Variants in SLCO3A1 observed in about 807,000 individuals in gnomAD.
The protein encoded by SLCO3A1 is PGE1 transporter.
In SLCO3A1, 27 loss-of-function variants were observed where a neutral mutation model predicts 63.1. The observed-to-expected ratio is 0.43, with a 90% CI of 0.32 to 0.59. SLCO3A1 has a LOEUF of 0.59. Among genes scored for constraint, SLCO3A1 ranks in the 20% least tolerant of loss-of-function variants. SLCO3A1 has a pLI of 0.09. For missense variants in SLCO3A1, 773 were observed against 945.8 expected, an observed-to-expected ratio of 0.82 and a Z score of 2.40; for synonymous variants, 473 against 409.9, an observed-to-expected ratio of 1.15 and a Z score of -1.86.
At chr15:92,154,163 G>GA (rs2048342973) in intron 9 of SLCO3A1, among the ~76,000 whole-genome samples, 1 of 152,234 alleles carries the variant, frequency 6.6e-6, no homozygotes, top group South Asian at 2.1e-4. Flanking sequence ...AGGATGGGGA[G>GA]AGGGGTAGGG....
rs34029747 is a variant in SLCO3A1 at position 92,163,556 on chromosome 15, T to TA, written c.*433dup. On this transcript the variant is annotated 3_prime_UTR_variant, in exon 10 of 10. Transcript: ENST00000318445. Reference sequence around the variant, plus strand: ...AGAAGTTTCCTAAAATAAAAAAAATTAAAAAAAAAAAACCCACAAGTTGAA... The same window carrying TA: ...AGAAGTTTCCTAAAATAAAAAAAATTAAAAAAAAAAAAACCCACAAGTTGAA... The TA allele has an allele frequency of 1.4e-6, 1 of 715,998 alleles. No homozygotes were observed. The highest frequency in any genetic ancestry group is 1.6e-6 in the Non-Finnish European group (1 of 617,852). 44.4% of individuals were successfully genotyped at this position (715,998 alleles called of 1,614,324 possible).
chr15:92,069,803 C>T (rs1227602429), intron 2 of SLCO3A1, among the ~76,000 whole-genome samples: 1 of 152,164 alleles, frequency 6.6e-6, no homozygotes, highest in African/African-American at 2.4e-5. Flanking sequence ...TGGGGAAAGC[C>T]CTCCCCGGGA....
At chr15:92,003,328 C>A (rs1345784406) in intron 2 of SLCO3A1, among the ~76,000 whole-genome samples, 2 of 152,214 alleles carry the variant, frequency 1.3e-5, no homozygotes, top group Non-Finnish European at 2.9e-5. Context: ...TACACATGTC[C>A]TGTCTCACCC....
chr15:92,165,242 T>C lies in SLCO3A1; in HGVS notation c.*2107T>C, dbSNP rs1801070490. 1.0e-6 allele frequency: 1 copy of C among 985,320 alleles called. No homozygotes were observed. The highest frequency in any genetic ancestry group is 1.7e-5 in the African/African-American group (1 of 57,224). 61.0% of individuals were successfully genotyped at this position (985,320 alleles called of 1,614,324 possible). A position where few individuals can be genotyped will look rare whatever the true frequency, so the allele number is the denominator to read the frequency against. ...GACAGGCCTTTCAACTGCTTAGTGT[T>C]AGTATGTCCTTGCTTATGAAAATGG... is the stretch of plus-strand genomic sequence containing the variant. On this transcript the variant is annotated 3_prime_UTR_variant, in exon 10 of 10. Transcript: ENST00000318445.
intron 2 of SLCO3A1, among the ~76,000 whole-genome samples, chr15:92,090,734 GAGA>G (rs2047462821): frequency 6.6e-6 from 1 of 152,232 alleles, no homozygotes; most frequent in African/African-American, 2.4e-5. Flanking sequence ...GCTTTGGAAA[GAGA>G]AGGACTGGGA....
intron 2 of SLCO3A1, among the ~76,000 whole-genome samples, chr15:92,026,565 G>A (rs1290387716): frequency 1.3e-5 from 2 of 152,160 alleles, no homozygotes; most frequent in Non-Finnish European, 2.9e-5. Context: ...TAGTCTAGGG[G>A]TCCCTAAGGG....
Position 91,854,990 on chromosome 15 carries a change from G to C in SLCO3A1, c.180+902G>C, listed in dbSNP as rs370070606. ...GGTCGCAACTTGAGTTCCAGAGAGC[G>C]TGCTTCCACACCTAAGTACAGTCCT... On this transcript the variant is annotated intron_variant, in intron 1 of 9. Coordinates refer to ENST00000318445, the MANE Select transcript of SLCO3A1 (RefSeq NM_013272.4). This position sits in a 1 kb window ranked among gnomAD's most constrained non-coding sequence, Gnocchi z 6.4. Among the ~76,000 whole-genome samples, 3 of 152,092 alleles carry C rather than the reference G, an allele frequency of 2.0e-5. No individual in the cohort carries two copies. Among genetic ancestry groups the C allele is most frequent in the African/African-American group, 7.2e-5 (3 of 41,416 alleles).
chr15:92,049,656 C>A (rs117774873), intron 2 of SLCO3A1, among the ~76,000 whole-genome samples: 1 of 152,186 alleles, frequency 6.6e-6, no homozygotes, highest in African/African-American at 2.4e-5. Context: ...TTTACCAAGA[C>A]TTAATGAAGA....
At chr15:92,096,188 G>A (rs1287294385) in intron 3 of SLCO3A1, among the ~76,000 whole-genome samples, 3 of 152,144 alleles carry the variant, frequency 2.0e-5, no homozygotes, top group African/African-American at 7.2e-5. Context: ...CCACTTCCAA[G>A]CTCACTGCCA....
chr15:91,981,159 G>T (rs986702875), intron 2 of SLCO3A1, among the ~76,000 whole-genome samples: 1 of 152,136 alleles, frequency 6.6e-6, no homozygotes, highest in African/African-American at 2.4e-5. Context: ...GGCCAGGCTG[G>T]GGTGGGATGA....
chr15:92,015,546 G>A (rs529310192), intron 2 of SLCO3A1, among the ~76,000 whole-genome samples: 1 of 152,108 alleles, frequency 6.6e-6, no homozygotes, highest in South Asian at 2.1e-4. Flanking sequence ...TGACACATGG[G>A]GATTACATTT....
In SLCO3A1 at chr15:91,859,518, C is replaced by G. The variant is rs1473863102; in HGVS notation, c.180+5430C>G. On this transcript the variant is annotated intron_variant, in intron 1 of 9. Coordinates refer to ENST00000318445, the MANE Select transcript of SLCO3A1 (RefSeq NM_013272.4). This position sits in a 1 kb window ranked among gnomAD's most constrained non-coding sequence, Gnocchi z 5.1. ...AACTCCAAGTTAAATGATTACAGTT[C>G]CAAGGTGGAGAAAGGCAAGTGTCTG... Among the ~76,000 whole-genome samples the G allele has an allele frequency of 6.6e-6, 1 of 152,158 alleles. No homozygotes were observed. Among genetic ancestry groups the G allele is most frequent in the African/African-American group, 2.4e-5 (1 of 41,434 alleles).
intron 2 of SLCO3A1, among the ~76,000 whole-genome samples, chr15:92,060,453 G>A (rs11634365): frequency 0.56 from 84,242 of 151,442 alleles, 24,393 homozygotes; most frequent in Admixed American, 0.69. Flanking sequence ...CCAGCTACTC[G>A]GGAGGCTGAG....
chr15:91,964,464 C>A (rs1900582619), intron 2 of SLCO3A1, among the ~76,000 whole-genome samples: 1 of 151,598 alleles, frequency 6.6e-6, no homozygotes. Flanking sequence ...GACTCCAGAA[C>A]AGGTTTTACT....
chr15:91,966,207 A>C (rs1216671541), intron 2 of SLCO3A1, among the ~76,000 whole-genome samples: 2 of 152,156 alleles, frequency 1.3e-5, no homozygotes, highest in Non-Finnish European at 1.5e-5. Context: ...CCACACCATA[A>C]CTGCACCCGT....
At chr15:91,965,678 A>G (rs192772215) in intron 2 of SLCO3A1, among the ~76,000 whole-genome samples, 1 of 152,030 alleles carries the variant, frequency 6.6e-6, no homozygotes, top group Non-Finnish European at 1.5e-5. Context: ...GTCCAAAGGA[A>G]TCTTTTGTCT....
In SLCO3A1 at chr15:91,863,669, T is replaced by G. The variant is rs1430240402; in HGVS notation, c.180+9581T>G. Among the ~76,000 whole-genome samples the G allele has an allele frequency of 6.6e-6, 1 of 152,106 alleles. No individual in the cohort carries two copies. The highest frequency in any genetic ancestry group is 2.4e-5 in the African/African-American group (1 of 41,398). On this transcript the variant is annotated intron_variant, in intron 1 of 9. Coordinates refer to ENST00000318445, the MANE Select transcript of SLCO3A1 (RefSeq NM_013272.4). This position sits in a 1 kb window ranked among gnomAD's most constrained non-coding sequence, Gnocchi z 4.3. ...CCTGAAATGTAGGAAAGGAGCATAT[T>G]TTTTTGGCCGGAGTGATGATTGAGG... is the stretch of plus-strand genomic sequence containing the variant.
chr15:92,161,389 C>T (rs1217122867), intron 9 of SLCO3A1, among the ~76,000 whole-genome samples: 1 of 152,080 alleles, frequency 6.6e-6, no homozygotes, highest in Non-Finnish European at 1.5e-5. Flanking sequence ...CATGGGCAGC[C>T]AGGTCTGATA....
At chr15:91,988,050 T>C (rs1368203758) in intron 2 of SLCO3A1, among the ~76,000 whole-genome samples, 1 of 152,184 alleles carries the variant, frequency 6.6e-6, no homozygotes, top group African/African-American at 2.4e-5. Flanking sequence ...ATAATTGTGT[T>C]TTATCACTTA....
Sources: gnomAD v4.1 joint callset for allele counts (sites outside exome capture counted in the v4.1 genomes callset) on GRCh38, gnomAD v4.1.1 for gene constraint, Gnocchi (gnomAD v3.1) non-coding constraint, MANE v1.5 for transcripts, NCBI Gene and HGNC (gene_info 2026-07-23, HGNC 2026-07-21) for gene names.